DNMT3B: variants seen among roughly 807,000 people sequenced by gnomAD.
DNMT3B encodes DNA (cytosine-5)-methyltransferase 3B.
A neutral mutation model predicts 120.2 loss-of-function variants in DNMT3B; 37 were observed. The ratio of observed to expected loss-of-function variants is 0.31; its 90% CI spans 0.24 to 0.40. The LOEUF is 0.40. Ranked by LOEUF, DNMT3B falls within the 10% of genes least tolerant of loss-of-function variation. The probability of loss-of-function intolerance (pLI) is 1.00; values close to 1 mark genes in which losing one functional copy is unlikely to be tolerated. For missense variants in DNMT3B, 878 were observed against 1,137.3 expected (o/e 0.77, Z 3.28); for synonymous variants, 412 against 442.8 (o/e 0.93, Z 0.87).
At chr20:32,799,653 G>A (rs1188081697) in intron 16 of DNMT3B, among the ~76,000 whole-genome samples, 1 of 152,122 alleles carries the variant, frequency 6.6e-6, no homozygotes, top group African/African-American at 2.4e-5. Context: ...AAGTAGCTGG[G>A]ATTACAGGTG....
Position 32,808,445 on chromosome 20 carries a change from T to A in DNMT3B, c.*542T>A, listed in dbSNP as rs142670571. 2 of 243,164 alleles carry A rather than the reference T, an allele frequency of 8.2e-6. No homozygotes were observed. The highest frequency in any genetic ancestry group is 4.4e-5 in the African/African-American group (2 of 45,320). The allele number at this position is 243,164 out of a possible 1,614,324, so 15.1% of individuals were successfully genotyped here. A position where few individuals can be genotyped will look rare whatever the true frequency, so the allele number is the denominator to read the frequency against. On this transcript the variant is annotated 3_prime_UTR_variant, in exon 23 of 23. Coordinates refer to ENST00000328111, the MANE Select transcript of DNMT3B (RefSeq NM_006892.4). ...CCCAGGGCAAGCAGAAGAGAAAATG[T>A]TGTATATGTCTTTTACCCGGCACAT...
Position 32,785,436 on chromosome 20 carries a change from T to C in DNMT3B, c.306+577T>C, listed in dbSNP as rs2424912. Among the ~76,000 whole-genome samples the C allele has an allele frequency of 4.0e-3, 604 of 152,240 alleles. 5 individuals carry two copies. Among genetic ancestry groups the C allele is most frequent in the African/African-American group, 0.013 (531 of 41,540 alleles). ...CCTAGGGGTGATAGAGTTTGCAGGG[T>C]GGATGGCTCAGCTGCTAATGACCTA... On this transcript the variant is annotated intron_variant, in intron 4 of 22. Coordinates refer to ENST00000328111, the MANE Select transcript of DNMT3B (RefSeq NM_006892.4).
intron 15 of DNMT3B, 148 bp downstream of exon 15, chr20:32,798,791 G>A: frequency 8.5e-7 from 1 of 1,180,506 alleles, no homozygotes; most frequent in Non-Finnish European, 1.2e-6. Context: ...CGAATTGCCA[G>A]CTCCTCTGCA....
At chr20:32,794,024 G>T (rs900408203) in intron 10 of DNMT3B, among the ~76,000 whole-genome samples, 10 of 152,078 alleles carry the variant, frequency 6.6e-5, no homozygotes, top group Admixed American at 5.9e-4. Context: ...GCCATATTAT[G>T]TAAAATTAAA....
intron 5 of DNMT3B, among the ~76,000 whole-genome samples, 182 bp from the exon 6 acceptor site, chr20:32,787,048 C>A (rs998973237): frequency 2.8e-4 from 43 of 152,384 alleles, no homozygotes; most frequent in African/African-American, 1.0e-3. Flanking sequence ...GGGACAGTTA[C>A]AATGACTTTC....
rs546965300 is a variant in DNMT3B at position 32,796,852 on chromosome 20, C to T, written c.1360C>T (p.Leu454Phe). The T allele has an allele frequency of 9.9e-6, 16 of 1,614,192 alleles. No homozygotes were observed. The African/African-American group carries it at 1.5e-4, about 15-fold the overall frequency. Residue 454 changes from leucine to phenylalanine, a missense_variant, in exon 13 of 23, where the codon CTC becomes TTC. Coordinates refer to ENST00000328111, the MANE Select transcript of DNMT3B (RefSeq NM_006892.4). ...VSFHPLFEGG[L>F]CQTCRDRFLE... Reference sequence around the variant, plus strand: ...CTTCCACCCTCTCTTTGAGGGGGGGCTCTGTCAGACATGCCGGGTAAGTCC... The same window carrying T: ...CTTCCACCCTCTCTTTGAGGGGGGGTTCTGTCAGACATGCCGGGTAAGTCC...
rs763754806 is a variant in DNMT3B, at chr20:32,795,659, C to T, written c.1262C>T (p.Ala421Val). 2 of 1,614,048 alleles carry T rather than the reference C, an allele frequency of 1.2e-6. No homozygotes were observed. The highest frequency in any genetic ancestry group is 1.7e-6 in the Non-Finnish European group (2 of 1,180,046). ...GDEDQSREQM[A>V]SDVANNKSSL... The stretch of plus-strand genomic sequence containing the variant: ...CTTCTTTTCTCAATAGAACAAATGG[C>T]TTCAGATGTTGCCAACAACAAGAGC... Residue 421 changes from alanine (A) to valine (V), a missense_variant, in exon 12 of 23, where the codon GCT (alanine) becomes GTT (valine). Ala to Val is a moderately conservative substitution (Grantham distance 64, BLOSUM62 0). Transcript: ENST00000328111.
chr20:32,771,247 G>A (rs944607447), intron 1 of DNMT3B, among the ~76,000 whole-genome samples: 1 of 152,180 alleles, frequency 6.6e-6, no homozygotes, highest in Non-Finnish European at 1.5e-5. Context: ...GAAATCTAGA[G>A]AGCAGAAGAG....
intron 7 of DNMT3B, 78 bp downstream of exon 7, chr20:32,789,090 G>A (rs1979666397): frequency 6.3e-7 from 1 of 1,589,722 alleles, no homozygotes; most frequent in Admixed American, 1.7e-5. Flanking sequence ...CAAAGGCCTG[G>A]GATTGTATTC....
intron 8 of DNMT3B, 62 bp from the exon 9 acceptor site, chr20:32,792,564 G>A: frequency 1.2e-6 from 2 of 1,613,004 alleles, no homozygotes; most frequent in Non-Finnish European, 1.7e-6. Context: ...GGAATCCCTG[G>A]GTGTGGCCTG....
chr20:32,803,573 C>T (rs904910776), intron 20 of DNMT3B, among the ~76,000 whole-genome samples: 3 of 152,164 alleles, frequency 2.0e-5, no homozygotes, highest in South Asian at 2.1e-4. Flanking sequence ...CACATCATGT[C>T]GATAGTGACA....
At chr20:32,798,159 C>T (rs1229195217) in intron 14 of DNMT3B, among the ~76,000 whole-genome samples, 1 of 152,104 alleles carries the variant, frequency 6.6e-6, no homozygotes, top group African/African-American at 2.4e-5. Flanking sequence ...AGTAGGGTGT[C>T]AGGGAAGGCT....
chr20:32,785,933 G>C (rs376369759), intron 4 of DNMT3B, among the ~76,000 whole-genome samples: 1 of 151,392 alleles, frequency 6.6e-6, no homozygotes, highest in Admixed American at 6.6e-5. Flanking sequence ...GCCCAGGCTG[G>C]AGTGCAGTGA....
intron 1 of DNMT3B, chr20:32,780,032 G>A (rs1225213204): frequency 6.5e-7 from 1 of 1,547,942 alleles, no homozygotes; most frequent in Non-Finnish European, 8.8e-7. Flanking sequence ...ATTGCACAGA[G>A]CAGTCTGAGC....
At chr20:32,776,340 G>T (rs370047345) in intron 1 of DNMT3B, among the ~76,000 whole-genome samples, 7 of 152,136 alleles carry the variant, frequency 4.6e-5, no homozygotes, top group Admixed American at 3.3e-4. Context: ...GGATGATGCA[G>T]TTCTAAATCC....
intron 20 of DNMT3B, among the ~76,000 whole-genome samples, chr20:32,803,161 AAC>A (rs1981562429): frequency 6.6e-6 from 1 of 152,260 alleles, no homozygotes; most frequent in African/African-American, 2.4e-5. Flanking sequence ...GTATACTAAA[AAC>A]AGTCTTCTTC....
Position 32,808,195 on chromosome 20 carries a change from T to C in DNMT3B, c.*292T>C, listed in dbSNP as rs1982173664. 1 of 455,876 alleles carries C rather than the reference T, an allele frequency of 2.2e-6. No homozygotes were observed. The highest frequency in any genetic ancestry group is 3.6e-5 in the Admixed American group (1 of 27,460). 28.2% of individuals were successfully genotyped at this position (455,876 alleles called of 1,614,324 possible). ...TTGAAGTAGGTAGCAACGTGGCTTTTTTTTTTTCCCTTCCTGGGTCTACCA... is the reference window on the plus strand; with the variant it reads ...TTGAAGTAGGTAGCAACGTGGCTTTCTTTTTTTCCCTTCCTGGGTCTACCA... On this transcript the variant is annotated 3_prime_UTR_variant, in exon 23 of 23. Coordinates refer to ENST00000328111, the MANE Select transcript of DNMT3B (RefSeq NM_006892.4).
chr20:32,805,465 TG>T, intron 21 of DNMT3B, 58 bp downstream of exon 21: 1 of 1,606,184 alleles, frequency 6.2e-7, no homozygotes, highest in Non-Finnish European at 8.5e-7. Context: ...AGTGGGGACT[TG>T]GGAGATGACC....
intron 21 of DNMT3B, among the ~76,000 whole-genome samples, chr20:32,805,735 T>C (rs962172690): frequency 1.3e-5 from 2 of 152,222 alleles, no homozygotes; most frequent in African/African-American, 4.8e-5. Context: ...TGTCAAGTCA[T>C]AGAATATGAA....
Sources: allele counts gnomAD v4.1 joint callset (sites outside exome capture counted in the v4.1 genomes callset), GRCh38; gene constraint gnomAD v4.1.1; transcripts MANE v1.5; gene names NCBI Gene and HGNC (gene_info 2026-07-23, HGNC 2026-07-21).